Variants in N4BP2 observed in about 807,000 individuals in gnomAD.
N4BP2 encodes the protein NEDD4 binding protein 2.
N4BP2 carries 91 observed loss-of-function variants against 152.8 expected under a neutral mutation model. The ratio of observed to expected loss-of-function variants is 0.60; its 90% CI spans 0.50 to 0.71. The LOEUF (loss-of-function observed/expected upper bound fraction) is 0.71, where lower values mean the gene tolerates loss of function less well. Among genes scored for constraint, N4BP2 ranks in the 30% least tolerant of loss-of-function variants. The probability of loss-of-function intolerance (pLI) is 0.00; values close to 1 mark genes in which losing one functional copy is unlikely to be tolerated. For synonymous variants in N4BP2, 646 were observed against 705.3 expected (o/e 0.92, Z 1.33); for missense variants, 1,923 against 2,059.1 (o/e 0.93, Z 1.28).
chr4:40,171,967 C>T, the N4BP2 span, among the ~76,000 whole-genome samples: 2 of 152,136 alleles, frequency 1.3e-5, no homozygotes, highest in South Asian at 2.1e-4. Context: ...GTGCAGTAGG[C>T]GCGATCTCAG....
chr4:40,129,446 C>G (rs573536340), intron 12 of N4BP2, among the ~76,000 whole-genome samples: 1 of 152,174 alleles, frequency 6.6e-6, no homozygotes, highest in South Asian at 2.1e-4. Context: ...AGGCTGGTCT[C>G]AAACTCCTGA....
rs1232313671 is a variant in N4BP2, at chr4:40,126,251, A to C, written c.4448A>C (p.His1483Pro). 6.2e-7 allele frequency: 1 copy of C among 1,604,958 alleles called. No individual in the cohort carries two copies. The highest frequency in any genetic ancestry group is 8.5e-7 in the Non-Finnish European group (1 of 1,175,520). The change falls in exon 12 of 18, where the codon CAT (histidine) becomes CCT (proline). Residue 1483 changes from histidine (H) to proline (P), a missense_variant. Physicochemically the swap from His to Pro is moderately conservative, Grantham distance 77. Transcript: ENST00000261435. The stretch of plus-strand genomic sequence containing the variant: ...TCTGAAATGCTACCTTTATTGGATC[A>C]TTGGAATACTCAAACTAAAAAAGTA... ...TASEMLPLLD[H>P]WNTQTKKVSL...
At chr4:40,136,269 TAAG>T (rs1347964655) in intron 13 of N4BP2, among the ~76,000 whole-genome samples, 2 of 152,232 alleles carry the variant, frequency 1.3e-5, no homozygotes, top group Admixed American at 6.5e-5. Context: ...ACAAAGGATT[TAAG>T]AAGAATAGGT....
chr4:40,175,807 G>GAAAA, the N4BP2 span, among the ~76,000 whole-genome samples: 17 of 63,998 alleles, frequency 2.7e-4, no homozygotes, highest in African/African-American at 4.1e-4. Flanking sequence ...CTCGTCTCAA[G>GAAAA]AAAAAAAAAA....
intron 1 of N4BP2, among the ~76,000 whole-genome samples, chr4:40,072,286 G>A (rs529064356): frequency 3.7e-5 from 5 of 134,580 alleles, no homozygotes; most frequent in Admixed American, 8.1e-5. Flanking sequence ...TCACTTTGTC[G>A]CCAGGCTGGA....
chr4:40,123,265 T>C lies in N4BP2; in HGVS notation c.4284+53T>C, dbSNP rs529067006. ...TCCTTTTTTGTCCATTTTGAACCTT[T>C]GAATTTCAGTGAAATCTACCACATA... On this transcript the variant is annotated intron_variant, in intron 10 of 17. Coordinates refer to ENST00000261435, the MANE Select transcript of N4BP2 (RefSeq NM_018177.6). 175 of 1,201,454 alleles carry C rather than the reference T, an allele frequency of 1.5e-4. 1 individual carries two copies. The East Asian group carries it at 3.9e-3, about 27-fold the overall frequency. The allele number at this position is 1,201,454 out of a possible 1,614,324, so 74.4% of individuals were successfully genotyped here. A position where few individuals can be genotyped will look rare whatever the true frequency, so the allele number is the denominator to read the frequency against.
At position 40,102,306 on chromosome 4, in the gene N4BP2, A is replaced by T. The variant is rs771771916; in HGVS notation, c.461A>T (p.Asn154Ile). 81 of 1,612,826 alleles carry T rather than the reference A, an allele frequency of 5.0e-5. No homozygotes were observed. Among genetic ancestry groups the T allele is most frequent in the Admixed American group, 6.7e-5 (4 of 59,724 alleles). Residue 154 changes from asparagine (N) to isoleucine (I), a missense_variant, in exon 4 of 18, where the codon AAC becomes ATC. Transcript: ENST00000261435. ...ATACAGAATGCTTTTGAGAAATTGA[A>T]CTCTTCTCCTGATGACCAAGTATAC... ...SLIQNAFEKL[N>I]SSPDDQVYSF... is the part of the protein sequence containing the mutation.
At chr4:40,098,266 T>A (rs1715282169) in intron 3 of N4BP2, among the ~76,000 whole-genome samples, 1 of 152,216 alleles carries the variant, frequency 6.6e-6, no homozygotes, top group Non-Finnish European at 1.5e-5. Flanking sequence ...GAAACGTGGG[T>A]TGGATTTCCA....
chr4:40,182,659 G>A, the N4BP2 span, among the ~76,000 whole-genome samples: 1 of 151,712 alleles, frequency 6.6e-6, no homozygotes, highest in Non-Finnish European at 1.5e-5. Flanking sequence ...TGTTGCCCAG[G>A]CTGGTCCATT....
chr4:40,142,641 G>A (rs776737308), intron 14 of N4BP2, 32 bp from the exon 15 acceptor site: 4 of 1,475,204 alleles, frequency 2.7e-6, no homozygotes, highest in Non-Finnish European at 2.8e-6. Flanking sequence ...TTAACTTTCT[G>A]TGTGTGTTAC....
At chr4:40,075,585 A>T (rs140757809) in intron 2 of N4BP2, among the ~76,000 whole-genome samples, 1 of 151,996 alleles carries the variant, frequency 6.6e-6, no homozygotes, top group Admixed American at 6.6e-5. Flanking sequence ...TTTAGTAGAG[A>T]TGGGGTTTCA....
At chr4:40,106,372 A>G (rs995438445) in intron 4 of N4BP2, among the ~76,000 whole-genome samples, 7 of 151,906 alleles carry the variant, frequency 4.6e-5, no homozygotes, top group Non-Finnish European at 7.4e-5. Flanking sequence ...ACTCCAGTGC[A>G]GTGGTGCAAC....
At chr4:40,183,835 T>C in the N4BP2 span, among the ~76,000 whole-genome samples, 1 of 152,208 alleles carries the variant, frequency 6.6e-6, no homozygotes, top group Non-Finnish European at 1.5e-5. Context: ...CTGCAGTTTT[T>C]TGGGTTTCTT....
intron 16 of N4BP2, 111 bp from the exon 17 acceptor site, chr4:40,152,669 C>A: frequency 8.2e-7 from 1 of 1,223,876 alleles, no homozygotes; most frequent in East Asian, 2.4e-5. Flanking sequence ...GATGGCAAAC[C>A]CCAAAATCCT....
Position 40,121,734 on chromosome 4 carries a change from C to T in N4BP2, c.3623C>T (p.Ala1208Val), listed in dbSNP as rs200769028. ...RGNSEQAEMR[A>V]VTPENHESMT... Reference sequence around the variant, plus strand: ...AACTCAGAGCAGGCGGAAATGAGAGCTGTCACTCCTGAAAACCATGAATCG... The same window carrying T: ...AACTCAGAGCAGGCGGAAATGAGAGTTGTCACTCCTGAAAACCATGAATCG... The change falls in exon 9 of 18, where the codon GCT becomes GTT. Residue 1208 changes from alanine to valine, a missense_variant. Physicochemically the swap from Ala to Val is moderately conservative, Grantham distance 64. Coordinates refer to ENST00000261435, the MANE Select transcript of N4BP2 (RefSeq NM_018177.6). 5.0e-6 allele frequency: 8 copies of T among 1,613,884 alleles called. No individual in the cohort carries two copies. The highest frequency in any genetic ancestry group is 6.8e-6 in the Non-Finnish European group (8 of 1,179,986).
In N4BP2 at chr4:40,148,829, T is replaced by C. The variant is rs530085080; in HGVS notation, c.5144-3951T>C. Among the ~76,000 whole-genome samples, 5 of 152,300 alleles carry C rather than the reference T, an allele frequency of 3.3e-5. No homozygotes were observed. The South Asian group carries it at 1.0e-3, about 32-fold the overall frequency. On this transcript the variant is annotated intron_variant, in intron 16 of 17. Coordinates refer to ENST00000261435, the MANE Select transcript of N4BP2 (RefSeq NM_018177.6). ...TGGTCCCCTTTTTATTGTTGAATAA[T>C]ATTCCATTGTGTCTATATCACATTT...
At chr4:40,093,213 G>A (rs1470438706) in intron 2 of N4BP2, among the ~76,000 whole-genome samples, 2 of 151,882 alleles carry the variant, frequency 1.3e-5, no homozygotes, top group Non-Finnish European at 2.9e-5. Context: ...CAAAGTGCTG[G>A]GATTACAGGC....
chr4:40,075,438 G>T (rs1347260017), intron 2 of N4BP2, among the ~76,000 whole-genome samples: 1 of 151,948 alleles, frequency 6.6e-6, no homozygotes, highest in Non-Finnish European at 1.5e-5. Flanking sequence ...TCACTCTGTC[G>T]CCTAGGCTGG....
chr4:40,134,225 T>G (rs2110017944), intron 13 of N4BP2, among the ~76,000 whole-genome samples: 1 of 152,346 alleles, frequency 6.6e-6, no homozygotes, highest in East Asian at 1.9e-4. Context: ...TTATTTTTGC[T>G]ACCTAACTTG....
Sources: allele counts gnomAD v4.1 joint callset (sites outside exome capture counted in the v4.1 genomes callset), GRCh38; gene constraint gnomAD v4.1.1; transcripts MANE v1.5; gene names NCBI Gene and HGNC (gene_info 2026-07-23, HGNC 2026-07-21).